SOX5: variants seen among roughly 807,000 people sequenced by gnomAD.
The protein encoded by SOX5 is SRY-box transcription factor 5, also known as transcription factor SOX-5.
Under a neutral mutation model 92.0 loss-of-function variants are expected in SOX5, and 9 were observed. The observed-to-expected ratio is 0.10, with a 90% confidence interval of 0.06 to 0.17. SOX5 has a LOEUF of 0.17. Ranked by LOEUF, SOX5 falls within the 10% of genes least tolerant of loss-of-function variation. The pLI is 1.00. For synonymous variants in SOX5, 344 were observed against 336.3 expected (o/e 1.02, Z -0.25); for missense variants, 642 against 944.5 (o/e 0.68, Z 4.20).
intron 1 of SOX5, among the ~76,000 whole-genome samples, chr12:24,499,591 A>G (rs1947987617): frequency 6.6e-6 from 1 of 152,208 alleles, no homozygotes; most frequent in Non-Finnish European, 1.5e-5. Context: ...CAGAAGGAAG[A>G]ATGCTCTGGG....
intron 6 of SOX5, among the ~76,000 whole-genome samples, chr12:23,719,432 G>T (rs545208573): frequency 6.6e-6 from 1 of 152,098 alleles, no homozygotes; most frequent in African/African-American, 2.4e-5. Flanking sequence ...TGCTACCAGG[G>T]TACTAATGTT....
rs1015255886 is a variant in SOX5, at chr12:24,424,811, G to GT, written c.-250-56173_-250-56172insA. ...TTTTCTTTGTGAGTTTTTTTTTTGG[G>GT]GGGGGGGGATGGCTGTTTTTCCCCC... On this transcript the variant is annotated intron_variant, in intron 1 of 4. Coordinates refer to the SOX5 transcript ENST00000446891. Among the ~76,000 whole-genome samples the GT allele has an allele frequency of 1.6e-4, 24 of 149,432 alleles. 2 individuals are homozygous for GT. The highest frequency in any genetic ancestry group is 6.0e-4 in the African/African-American group (24 of 39,804).
intron 3 of SOX5, among the ~76,000 whole-genome samples, chr12:24,253,004 A>G (rs1940443918): frequency 6.6e-6 from 1 of 152,190 alleles, no homozygotes. Flanking sequence ...TTCATTTCAG[A>G]GCCCCTGCAG....
At chr12:24,066,580 G>C (rs1014749798) in intron 4 of SOX5, among the ~76,000 whole-genome samples, 3 of 152,018 alleles carry the variant, frequency 2.0e-5, no homozygotes, top group African/African-American at 7.2e-5. Context: ...AATTTCAGAA[G>C]GTAAATAACT....
intron 3 of SOX5, among the ~76,000 whole-genome samples, chr12:23,817,815 A>G (rs558728940): frequency 6.6e-6 from 1 of 152,304 alleles, no homozygotes; most frequent in South Asian, 2.1e-4. Flanking sequence ...AAAATAACAT[A>G]GTTACTCTCC....
In SOX5 at chr12:23,676,313, A is replaced by G. The variant is rs554010128; in HGVS notation, c.811-10749T>C. On this transcript the variant is annotated intron_variant, in intron 6 of 14. Coordinates refer to ENST00000451604, the MANE Select transcript of SOX5 (RefSeq NM_006940.6). ...TCACTACGTATACGTACATCAAAATATCATGTTGTATACCCTAAATATACA... is the reference window on the plus strand; with the variant it reads ...TCACTACGTATACGTACATCAAAATGTCATGTTGTATACCCTAAATATACA... 3.3e-5 allele frequency among the ~76,000 whole-genome samples: 5 copies of G among 152,332 alleles called. No individual in the cohort carries two copies. The South Asian group carries it at 1.0e-3, about 32-fold the overall frequency.
chr12:23,840,693 T>C (rs1484823424), intron 3 of SOX5, among the ~76,000 whole-genome samples: 1 of 152,122 alleles, frequency 6.6e-6, no homozygotes, highest in Non-Finnish European at 1.5e-5. Flanking sequence ...ATACGTTCAA[T>C]TGATCTTTAG....
At chr12:24,048,983 C>T (rs1354482900) in intron 4 of SOX5, among the ~76,000 whole-genome samples, 1 of 152,140 alleles carries the variant, frequency 6.6e-6, no homozygotes, top group African/African-American at 2.4e-5. Flanking sequence ...AAAAAACCCA[C>T]TGAATTCTTC....
intron 4 of SOX5, among the ~76,000 whole-genome samples, chr12:24,028,268 C>G (rs1955098891): frequency 6.6e-6 from 1 of 151,962 alleles, no homozygotes; most frequent in African/African-American, 2.4e-5. Flanking sequence ...TCATAACTGT[C>G]TCATTTGGTG....
chr12:24,320,135 A>G (rs1950070549), intron 2 of SOX5, among the ~76,000 whole-genome samples: 1 of 152,260 alleles, frequency 6.6e-6, no homozygotes, highest in South Asian at 2.1e-4. Flanking sequence ...AAAGATTTGG[A>G]AAAAGTTACC....
At chr12:23,788,676 T>A (rs2095421212) in intron 3 of SOX5, among the ~76,000 whole-genome samples, 1 of 151,990 alleles carries the variant, frequency 6.6e-6, no homozygotes, top group Non-Finnish European at 1.5e-5. Flanking sequence ...AGTGAGCTTT[T>A]GATAAGAATT....
At chr12:24,011,615 T>C (rs773216869) in intron 4 of SOX5, among the ~76,000 whole-genome samples, 1 of 152,212 alleles carries the variant, frequency 6.6e-6, no homozygotes, top group Non-Finnish European at 1.5e-5. Flanking sequence ...AAACCTCTTG[T>C]TGCTCATTCT....
intron 4 of SOX5, among the ~76,000 whole-genome samples, chr12:24,077,622 C>T (rs1416338883): frequency 2.6e-5 from 4 of 151,620 alleles, no homozygotes; most frequent in Admixed American, 1.3e-4. Context: ...ATGTATGCTT[C>T]GCTCTGGAAA....
chr12:23,587,197 A>T (rs2137033878), intron 9 of SOX5, among the ~76,000 whole-genome samples: 1 of 152,140 alleles, frequency 6.6e-6, no homozygotes, highest in East Asian at 1.9e-4. Flanking sequence ...TTCAGGGCTG[A>T]TTTTCTAATA....
rs1949910610 is a variant in SOX5 at position 23,580,621 on chromosome 12, G to A, written c.1165-4783C>T. Among the ~76,000 whole-genome samples, 2 of 152,020 alleles carry A rather than the reference G, an allele frequency of 1.3e-5. 1 individual carries two copies. The highest frequency in any genetic ancestry group is 4.8e-5 in the African/African-American group (2 of 41,436). On this transcript the variant is annotated intron_variant, in intron 9 of 14. Coordinates refer to ENST00000451604, the MANE Select transcript of SOX5 (RefSeq NM_006940.6). ...ATACAAGTCTTAGAAGCTCACTCATGATATAACTTCTTCTAATCAATTACT... is the reference window on the plus strand; with the variant it reads ...ATACAAGTCTTAGAAGCTCACTCATAATATAACTTCTTCTAATCAATTACT...
At chr12:24,204,188 GTTCTTCATTCTGTT>G (rs1957800805) in intron 4 of SOX5, among the ~76,000 whole-genome samples, 1 of 151,958 alleles carries the variant, frequency 6.6e-6, no homozygotes, top group Non-Finnish European at 1.5e-5. Context: ...TCCAGATGAT[GTTCTTCATTCTGTT>G]TTCTTCAACT....
chr12:24,462,999 C>A (rs1431999339), intron 1 of SOX5, among the ~76,000 whole-genome samples: 1 of 152,150 alleles, frequency 6.6e-6, no homozygotes, highest in Non-Finnish European at 1.5e-5. Flanking sequence ...AGAAGGACTG[C>A]TTGAACCCAG....
chr12:24,222,526 G>A (rs896025885), intron 3 of SOX5, among the ~76,000 whole-genome samples: 1 of 152,178 alleles, frequency 6.6e-6, no homozygotes, highest in South Asian at 2.1e-4. Flanking sequence ...ACTGAATGTG[G>A]GTGGAGCAGA....
At chr12:23,783,177 T>C (rs2095315407) in intron 3 of SOX5, among the ~76,000 whole-genome samples, 1 of 152,210 alleles carries the variant, frequency 6.6e-6, no homozygotes, top group Admixed American at 6.5e-5. Context: ...TCCACTAGTA[T>C]ATAAGTTCTA....
Sources: gnomAD v4.1 joint callset for allele counts (sites outside exome capture counted in the v4.1 genomes callset) on GRCh38, gnomAD v4.1.1 for gene constraint, MANE v1.5 for transcripts, NCBI Gene and HGNC (gene_info 2026-07-23, HGNC 2026-07-21) for gene names.